PMP22: variants seen among roughly 807,000 people sequenced by gnomAD.
PMP22 encodes Charcot-Marie-Tooth neuropathy 1A (greatly reduced nerve conduction velocity, hereditary motor sensory neuropathy Ia).
Under a neutral mutation model 18.9 loss-of-function variants are expected in PMP22, and 2 were observed. The observed-to-expected ratio is 0.11, with a 90% CI of 0.04 to 0.33. PMP22 has a LOEUF of 0.33. Among genes scored for constraint, PMP22 ranks in the 10% least tolerant of loss-of-function variants. The pLI is 1.00. For missense variants in PMP22, 169 were observed against 202.2 expected, an observed-to-expected ratio of 0.84 and a Z score of 1.00; for synonymous variants, 95 against 89.2, an observed-to-expected ratio of 1.07 and a Z score of -0.37.
At position 15,258,940 on chromosome 17, in the gene PMP22, A is replaced by G. The variant is rs1018527138; in HGVS notation, c.178+154T>C. ...CCCCAGCGAGATCACCACCCCTCCCATTTTCCCTGGACTCATGGCTCCCTG... is the reference window on the plus strand; with the variant it reads ...CCCCAGCGAGATCACCACCCCTCCCGTTTTCCCTGGACTCATGGCTCCCTG... On this transcript the variant is annotated intron_variant, in intron 3 of 4. Coordinates refer to ENST00000312280, the MANE Select transcript of PMP22 (RefSeq NM_000304.4). The surrounding 1 kb of genome is among the most constrained non-coding windows in gnomAD (Gnocchi z 4.1). 1.0e-5 allele frequency: 7 copies of G among 697,522 alleles called. No individual in the cohort carries two copies. The highest frequency in any genetic ancestry group is 1.8e-5 in the Non-Finnish European group (7 of 380,616). 43.2% of individuals were successfully genotyped at this position (697,522 alleles called of 1,614,324 possible).
chr17:15,244,059 A>G (rs1426900419), intron 3 of PMP22, among the ~76,000 whole-genome samples: 2 of 152,112 alleles, frequency 1.3e-5, no homozygotes, highest in Non-Finnish European at 2.9e-5. Flanking sequence ...CGCATCATTA[A>G]CAAAATTAAA....
intron 3 of PMP22, among the ~76,000 whole-genome samples, chr17:15,253,455 T>C (rs926623834): frequency 6.6e-6 from 1 of 152,120 alleles, no homozygotes; most frequent in African/African-American, 2.4e-5. Flanking sequence ...ATTTCTACCT[T>C]GTACAATTTC....
chr17:15,260,467 A>G (rs1372320517), intron 2 of PMP22, 183 bp downstream of exon 2: 4 of 666,922 alleles, frequency 6.0e-6, no homozygotes, highest in South Asian at 4.9e-5. Context: ...GGTTCCTATC[A>G]CTGAATCTGC....
At chr17:15,235,339 C>A in intron 4 of PMP22, 1 of 717,260 alleles carries the variant, frequency 1.4e-6, no homozygotes, top group Non-Finnish European at 2.6e-6. Flanking sequence ...TTTATTCAGG[C>A]TCCTCTATGT....
At position 15,244,049 on chromosome 17, in the gene PMP22, C is replaced by G. The variant is rs191513304; in HGVS notation, c.179-4438G>C. On this transcript the variant is annotated intron_variant, in intron 3 of 4. Coordinates refer to ENST00000312280, the MANE Select transcript of PMP22 (RefSeq NM_000304.4). ...AAAACATAAAATTAAATCTCTAGTT[C>G]GCATCATTAACAAAATTAAATTACA... is the stretch of plus-strand genomic sequence containing the variant. 1.3e-4 allele frequency among the ~76,000 whole-genome samples: 19 copies of G among 151,854 alleles called. No homozygotes were observed. In the East Asian group the frequency reaches 3.5e-3, roughly 28 times the overall value.
intron 2 of PMP22, 121 bp downstream of exon 2, chr17:15,260,529 G>A (rs1567719042): frequency 8.2e-6 from 7 of 853,426 alleles, no homozygotes; most frequent in Non-Finnish European, 1.4e-5. Context: ...AAACTTCCCT[G>A]GGACGTCTGA....
chr17:15,233,931 G>C (rs920389861), intron 4 of PMP22, among the ~76,000 whole-genome samples: 2 of 152,166 alleles, frequency 1.3e-5, no homozygotes, highest in African/African-American at 4.8e-5. Flanking sequence ...ACATGTTAAG[G>C]AAGCTGTGAT....
chr17:15,231,955 C>T (rs230943), intron 4 of PMP22, among the ~76,000 whole-genome samples: 1 of 151,942 alleles, frequency 6.6e-6, no homozygotes, highest in African/African-American at 2.4e-5. Flanking sequence ...TGACAGACAG[C>T]GTCCCCCCAC....
At chr17:15,260,587 C>T in intron 2 of PMP22, 63 bp downstream of exon 2, 2 of 1,348,288 alleles carry the variant, frequency 1.5e-6, no homozygotes, top group Non-Finnish European at 2.1e-6. Context: ...AGCAGGAGCA[C>T]GGGCTGGGAA....
rs1431129197 is a variant in PMP22, at chr17:15,239,360, G to A, written c.319+111C>T. 3.7e-5 allele frequency: 45 copies of A among 1,227,130 alleles called. No homozygotes were observed. In the East Asian group the frequency reaches 9.8e-4, roughly 27 times the overall value. The allele number at this position is 1,227,130 out of a possible 1,614,324, so 76.0% of individuals were successfully genotyped here. ...TCACTTTATGGAAAGCATCCAGTGG[G>A]GAGACTCATGAACATCAGTCATTCT... On this transcript the variant is annotated intron_variant, in intron 4 of 4. Coordinates refer to ENST00000312280, the MANE Select transcript of PMP22 (RefSeq NM_000304.4).
chr17:15,260,641 G>C lies in PMP22; in HGVS notation c.78+9C>G, dbSNP rs1428777013. 1.3e-6 allele frequency: 2 copies of C among 1,551,224 alleles called. No individual in the cohort carries two copies. Among genetic ancestry groups the C allele is most frequent in the Admixed American group, 2.0e-5 (1 of 51,026 alleles). On this transcript the variant is annotated intron_variant, in intron 2 of 4. Coordinates refer to ENST00000312280, the MANE Select transcript of PMP22 (RefSeq NM_000304.4). ...GGCCGCGCAGGGAGCCTCCCCGCCA[G>C]GCACTCACGCTGACGATCGTGGAGA...
intron 3 of PMP22, among the ~76,000 whole-genome samples, chr17:15,241,975 A>C (rs1348785589): frequency 6.6e-6 from 1 of 152,152 alleles, no homozygotes; most frequent in Non-Finnish European, 1.5e-5. Context: ...AGGCACTCAT[A>C]AGATATGGAA....
At chr17:15,262,908 C>A (rs2150713847) in intron 1 of PMP22, among the ~76,000 whole-genome samples, 1 of 152,240 alleles carries the variant, frequency 6.6e-6, no homozygotes, top group African/African-American at 2.4e-5. Flanking sequence ...CAGGGCTGGG[C>A]TTCTGGGCCC....
chr17:15,246,463 G>A (rs1907827627), intron 3 of PMP22, among the ~76,000 whole-genome samples: 1 of 152,192 alleles, frequency 6.6e-6, no homozygotes, highest in Non-Finnish European at 1.5e-5. Flanking sequence ...AATGATTCGA[G>A]TTCAGAGAAA....
Position 15,261,325 on chromosome 17 carries a change from T to TC in PMP22, c.-34-565dup, listed in dbSNP as rs936675312. The TC allele has an allele frequency of 6.6e-6, 1 of 152,594 alleles. No individual in the cohort carries two copies. Among genetic ancestry groups the TC allele is most frequent in the African/African-American group, 2.4e-5 (1 of 41,422 alleles). The allele number at this position is 152,594 out of a possible 1,614,324, so 9.5% of individuals were successfully genotyped here. A position where few individuals can be genotyped will look rare whatever the true frequency, so the allele number is the denominator to read the frequency against. On this transcript the variant is annotated intron_variant, in intron 1 of 4. Transcript: ENST00000312280. The surrounding 1 kb of genome is among the most constrained non-coding windows in gnomAD (Gnocchi z 5.2). Reference sequence around the variant, plus strand: ...CAGTGCTCTCCGCATTCCGTTTGTCTCCAAGTTTCCACCCAACTCTGCCAG... The same window carrying TC: ...CAGTGCTCTCCGCATTCCGTTTGTCTCCCAAGTTTCCACCCAACTCTGCCAG...
chr17:15,256,194 G>T (rs1473677060), intron 3 of PMP22, among the ~76,000 whole-genome samples: 2 of 152,184 alleles, frequency 1.3e-5, no homozygotes, highest in African/African-American at 2.4e-5. Context: ...GCAAGATCTG[G>T]TGTGTCTCTT....
intron 3 of PMP22, among the ~76,000 whole-genome samples, chr17:15,243,904 A>G (rs1907565104): frequency 6.6e-6 from 1 of 150,428 alleles, no homozygotes; most frequent in Non-Finnish European, 1.5e-5. Context: ...AAAATAAAAG[A>G]ATGGGATGGA....
Position 15,264,208 on chromosome 17 carries a change from T to A in PMP22, c.-35+946A>T, listed in dbSNP as rs60571149. 1.4e-3 allele frequency among the ~76,000 whole-genome samples: 195 copies of A among 137,980 alleles called. 1 individual carries two copies. Among genetic ancestry groups the A allele is most frequent in the African/African-American group, 5.2e-3 (191 of 36,442 alleles). The allele number at this position is 137,980 out of a possible 152,430, so 90.5% of individuals were successfully genotyped here. ...TCTGCACTAAAGTAGCTTGTAACTC[T>A]GATAGGTAGGTAGGTAGGTAGGTAG... On this transcript the variant is annotated intron_variant, in intron 1 of 4. Coordinates refer to ENST00000312280, the MANE Select transcript of PMP22 (RefSeq NM_000304.4).
Position 15,258,924 on chromosome 17 carries a change from G to A in PMP22, c.178+170C>T, listed in dbSNP as rs774549007. 2 of 683,428 alleles carry A rather than the reference G, an allele frequency of 2.9e-6. No individual in the cohort carries two copies. The highest frequency in any genetic ancestry group is 5.4e-6 in the Non-Finnish European group (2 of 373,236). The allele number at this position is 683,428 out of a possible 1,614,324, so 42.3% of individuals were successfully genotyped here. A position where few individuals can be genotyped will look rare whatever the true frequency, so the allele number is the denominator to read the frequency against. On this transcript the variant is annotated intron_variant, in intron 3 of 4. Coordinates refer to ENST00000312280, the MANE Select transcript of PMP22 (RefSeq NM_000304.4). The surrounding 1 kb of genome is among the most constrained non-coding windows in gnomAD (Gnocchi z 4.1). Reference sequence around the variant, plus strand: ...CCCAGGATCTCAGCTTCCCCAGCGAGATCACCACCCCTCCCATTTTCCCTG... The same window carrying A: ...CCCAGGATCTCAGCTTCCCCAGCGAAATCACCACCCCTCCCATTTTCCCTG...
Sources: gnomAD v4.1 joint callset for allele counts (sites outside exome capture counted in the v4.1 genomes callset) on GRCh38, gnomAD v4.1.1 for gene constraint, Gnocchi (gnomAD v3.1) non-coding constraint, MANE v1.5 for transcripts, NCBI Gene and HGNC (gene_info 2026-07-23, HGNC 2026-07-21) for gene names.